MCTP1: variants seen among roughly 807,000 people sequenced by gnomAD.
MCTP1 encodes multiple C2 and transmembrane domain-containing protein 1.
Under a neutral mutation model 120.6 loss-of-function variants are expected in MCTP1, and 69 were observed. The ratio of observed to expected loss-of-function variants is 0.57; its 90% CI spans 0.47 to 0.70. The LOEUF (loss-of-function observed/expected upper bound fraction) is 0.70. MCTP1 is among the 30% of genes least tolerant of loss of function. The pLI, the probability that MCTP1 is intolerant of heterozygous loss-of-function variation, is 0.00. For missense variants in MCTP1, 1,203 were observed against 1,248.8 expected, an observed-to-expected ratio of 0.96 and a Z score of 0.55; for synonymous variants, 529 against 493.1, an observed-to-expected ratio of 1.07 and a Z score of -0.96.
At chr5:95,122,341 TC>T (rs1758306883) in intron 1 of MCTP1, among the ~76,000 whole-genome samples, 1 of 151,990 alleles carries the variant, frequency 6.6e-6, no homozygotes, top group Non-Finnish European at 1.5e-5. Context: ...AGACAGAAGA[TC>T]TGAATAAACA....
chr5:95,152,048 A>G (rs866982522), intron 1 of MCTP1, among the ~76,000 whole-genome samples: 1 of 152,232 alleles, frequency 6.6e-6, no homozygotes, highest in Non-Finnish European at 1.5e-5. Flanking sequence ...GTACGGAAAA[A>G]AAGTTTTGGA....
intron 19 of MCTP1, among the ~76,000 whole-genome samples, chr5:94,715,644 G>A (rs755487338): frequency 3.3e-5 from 5 of 152,144 alleles, no homozygotes; most frequent in Non-Finnish European, 5.9e-5. Context: ...CTAGAGAGTG[G>A]TGTGACCCTA....
At chr5:95,072,740 A>ATTTTTTTTTTTT (rs11421165) in intron 1 of MCTP1, among the ~76,000 whole-genome samples, 3 of 95,282 alleles carry the variant, frequency 3.1e-5, no homozygotes, top group Non-Finnish European at 1.9e-5. Flanking sequence ...CTTAGCAACT[A>ATTTTTTTTTTTT]TTTTTTTTTT....
intron 1 of MCTP1, among the ~76,000 whole-genome samples, chr5:95,135,357 C>A (rs1442038892): frequency 6.6e-6 from 1 of 152,096 alleles, no homozygotes; most frequent in African/African-American, 2.4e-5. Context: ...TAACCTGAAT[C>A]CAAAAAGTCC....
chr5:94,931,685 A>G, intron 6 of MCTP1: 1 of 356,018 alleles, frequency 2.8e-6, no homozygotes, highest in Non-Finnish European at 5.0e-6. Context: ...GCAATTTTCT[A>G]GACCCTGTTG....
At chr5:95,064,313 C>T (rs10067664) in intron 1 of MCTP1, among the ~76,000 whole-genome samples, 119,029 of 152,140 alleles carry the variant, frequency 0.78, 48,704 homozygotes, top group Non-Finnish European at 0.92. Flanking sequence ...TCCAGAAATC[C>T]GTGGAGACTC....
intron 12 of MCTP1, among the ~76,000 whole-genome samples, chr5:94,882,533 A>C (rs1018739130): frequency 9.4e-5 from 9 of 95,252 alleles, no homozygotes; most frequent in African/African-American, 2.9e-4. Flanking sequence ...GTTGCAATGT[A>C]ACAAAATATT....
At chr5:95,283,228 CAGG>C (rs1185258751) in intron 1 of MCTP1, among the ~76,000 whole-genome samples, 1 of 152,190 alleles carries the variant, frequency 6.6e-6, no homozygotes, top group Non-Finnish European at 1.5e-5. Context: ...GCAAGTGCTT[CAGG>C]TGACTATTAA....
chr5:95,177,322 C>T (rs1169690796), intron 1 of MCTP1, among the ~76,000 whole-genome samples: 1 of 151,990 alleles, frequency 6.6e-6, no homozygotes, highest in East Asian at 1.9e-4. Flanking sequence ...TGTGCTTTTA[C>T]AAAACTCAGA....
chr5:95,173,980 C>T (rs1216370464), intron 1 of MCTP1, among the ~76,000 whole-genome samples: 2 of 151,816 alleles, frequency 1.3e-5, no homozygotes, highest in African/African-American at 2.4e-5. Context: ...GGAAATATTT[C>T]AGAAAATAAT....
At chr5:94,905,976 A>G (rs1003062125) in intron 10 of MCTP1, among the ~76,000 whole-genome samples, 2 of 152,110 alleles carry the variant, frequency 1.3e-5, no homozygotes, top group Non-Finnish European at 2.9e-5. Context: ...GTAAGAAAAA[A>G]ACAAGGAGCA....
At chr5:95,023,328 A>G (rs981081761) in intron 1 of MCTP1, among the ~76,000 whole-genome samples, 1 of 152,228 alleles carries the variant, frequency 6.6e-6, no homozygotes, top group Non-Finnish European at 1.5e-5. Flanking sequence ...GAAATTATTT[A>G]AAAGGATTTA....
chr5:94,707,596 G>T (rs778868551), intron 22 of MCTP1, 29 bp from the exon 23 acceptor site: 2 of 1,572,546 alleles, frequency 1.3e-6, no homozygotes, highest in South Asian at 2.2e-5. Context: ...GAGGAAGACT[G>T]GTCAGGTGGC....
At chr5:95,199,155 A>ACCAACATT (rs1286424874) in intron 1 of MCTP1, among the ~76,000 whole-genome samples, 1 of 152,226 alleles carries the variant, frequency 6.6e-6, no homozygotes, top group Admixed American at 6.5e-5. Context: ...TTAAAATATA[A>ACCAACATT]CCAACATTTC....
chr5:94,822,923 A>G (rs1002591221), intron 17 of MCTP1, among the ~76,000 whole-genome samples: 2 of 151,974 alleles, frequency 1.3e-5, no homozygotes, highest in Non-Finnish European at 2.9e-5. Context: ...AAATTTGTGT[A>G]GGCTTCTTAT....
At chr5:94,720,580 GT>G (rs1488735245) in intron 19 of MCTP1, among the ~76,000 whole-genome samples, 1 of 152,086 alleles carries the variant, frequency 6.6e-6, no homozygotes. Flanking sequence ...CCTAATTTAG[GT>G]TTAAAATGCC....
At chr5:95,184,033 G>A (rs1418704413) in intron 1 of MCTP1, among the ~76,000 whole-genome samples, 2 of 152,128 alleles carry the variant, frequency 1.3e-5, no homozygotes, top group Non-Finnish European at 2.9e-5. Flanking sequence ...GGGAGGGATA[G>A]CATTAGAAGA....
chr5:94,812,455 GA>G (rs57511429), intron 17 of MCTP1, among the ~76,000 whole-genome samples: 12,616 of 104,372 alleles, frequency 0.12, 545 homozygotes, highest in East Asian at 0.35. Flanking sequence ...TCAGGGATAC[GA>G]AAAAAAAAAA....
intron 19 of MCTP1, 138 bp from the exon 20 acceptor site, chr5:94,715,024 C>T (rs1255805933): frequency 6.9e-6 from 4 of 583,734 alleles, no homozygotes; most frequent in African/African-American, 1.9e-5. Context: ...TAATTGGAAC[C>T]CATGAAAATA....
Sources: allele counts gnomAD v4.1 joint callset (sites outside exome capture counted in the v4.1 genomes callset), GRCh38; gene constraint gnomAD v4.1.1; transcripts MANE v1.5; gene names NCBI Gene and HGNC (gene_info 2026-07-23, HGNC 2026-07-21).